The following SLIT3 variants were observed in gnomAD, a reference collection of about 807,000 sequenced individuals.
SLIT3 encodes the protein slit guidance ligand 3.
In SLIT3, 68 loss-of-function variants were observed where a neutral mutation model predicts 184.0. The ratio of observed to expected loss-of-function variants is 0.37; its 90% CI spans 0.30 to 0.45. The LOEUF is 0.45. Among genes scored for constraint, SLIT3 ranks in the 20% least tolerant of loss-of-function variants. SLIT3 has a pLI of 1.00. For missense variants in SLIT3, 1,707 were observed against 2,026.0 expected (o/e 0.84, Z 3.02); for synonymous variants, 831 against 828.6 (o/e 1.00, Z -0.05).
intron 14 of SLIT3, chr5:168,772,526 G>T: frequency 2.0e-6 from 1 of 505,178 alleles, no homozygotes; most frequent in Non-Finnish European, 3.5e-6. Context: ...CTGCTGCCTG[G>T]GTCCTGTCTC....
chr5:169,172,079 T>G (rs1762838543), intron 4 of SLIT3, among the ~76,000 whole-genome samples: 1 of 152,108 alleles, frequency 6.6e-6, no homozygotes, highest in South Asian at 2.1e-4. Context: ...CTCGGAAATG[T>G]TTTTCAACTT....
intron 3 of SLIT3, among the ~76,000 whole-genome samples, chr5:169,197,345 C>T (rs545268318): frequency 6.6e-6 from 1 of 152,046 alleles, no homozygotes; most frequent in Non-Finnish European, 1.5e-5. Context: ...TTCCAGGTAA[C>T]TCCAGGATTT....
chr5:169,261,786 C>A (rs1439495390), intron 1 of SLIT3, among the ~76,000 whole-genome samples: 3 of 152,170 alleles, frequency 2.0e-5, no homozygotes, highest in African/African-American at 7.2e-5. Context: ...TGCTTCTAAC[C>A]CATGCAACAC....
chr5:169,019,022 C>G (rs1448360972), intron 4 of SLIT3, among the ~76,000 whole-genome samples: 1 of 152,184 alleles, frequency 6.6e-6, no homozygotes, highest in African/African-American at 2.4e-5. Context: ...ATTTGCCTCC[C>G]CCACTCTGGG....
At chr5:169,063,910 C>T (rs1425740098) in intron 4 of SLIT3, among the ~76,000 whole-genome samples, 2 of 152,190 alleles carry the variant, frequency 1.3e-5, no homozygotes, top group African/African-American at 2.4e-5. Context: ...ATTCTGACAA[C>T]ACAAATGCCG....
intron 4 of SLIT3, among the ~76,000 whole-genome samples, chr5:168,886,030 C>G (rs1186033138): frequency 1.3e-5 from 2 of 152,222 alleles, no homozygotes; most frequent in African/African-American, 4.8e-5. Flanking sequence ...CTTGCTCCTA[C>G]TTTACGGAGC....
At chr5:169,289,658 T>C (rs565163392) in intron 1 of SLIT3, among the ~76,000 whole-genome samples, 1 of 152,304 alleles carries the variant, frequency 6.6e-6, no homozygotes, top group East Asian at 1.9e-4. Context: ...GGACCTGGGG[T>C]TCTGATGGTG....
intron 4 of SLIT3, among the ~76,000 whole-genome samples, chr5:169,182,908 C>G (rs1763214586): frequency 6.6e-6 from 1 of 152,204 alleles, no homozygotes; most frequent in African/African-American, 2.4e-5. Context: ...CCACAAAACC[C>G]TGCCTAGGCT....
intron 1 of SLIT3, among the ~76,000 whole-genome samples, chr5:169,266,770 C>A (rs751530928): frequency 7.2e-5 from 11 of 152,162 alleles, no homozygotes; most frequent in South Asian, 6.2e-4. Flanking sequence ...AAGAATGGCC[C>A]AAGTTAAGCA....
At chr5:169,225,573 A>C (rs1017577637) in intron 3 of SLIT3, among the ~76,000 whole-genome samples, 2 of 152,250 alleles carry the variant, frequency 1.3e-5, no homozygotes, top group African/African-American at 2.4e-5. Flanking sequence ...AGAGATGCCA[A>C]GCCAACACCA....
At chr5:168,690,975 C>G (rs181845210) in intron 29 of SLIT3, among the ~76,000 whole-genome samples, 59 of 152,316 alleles carry the variant, frequency 3.9e-4, no homozygotes, top group Admixed American at 3.3e-3. Context: ...CCAAATTCCA[C>G]CCACCCTCAA....
chr5:168,978,136 G>C, intron 4 of SLIT3, among the ~76,000 whole-genome samples: 1 of 152,170 alleles, frequency 6.6e-6, no homozygotes, highest in East Asian at 1.9e-4. Context: ...GGCACCCCAG[G>C]CATCCCGCCT....
intron 4 of SLIT3, among the ~76,000 whole-genome samples, chr5:169,186,149 T>C (rs775452708): frequency 2.2e-4 from 34 of 152,108 alleles, no homozygotes; most frequent in Non-Finnish European, 4.4e-4. Flanking sequence ...GAAACCCTAA[T>C]CCCAATACCT....
rs144003142 is a variant in SLIT3, at chr5:168,685,873, G to A, written c.3369C>T (p.Cys1123=). 8.5e-5 allele frequency: 137 copies of A among 1,613,538 alleles called. No homozygotes were observed. The highest frequency in any genetic ancestry group is 1.1e-4 in the Non-Finnish European group (129 of 1,179,912). Residue 1123 remains cysteine, a synonymous_variant, in exon 31 of 36, where the codon TGC becomes TGT. Coordinates refer to ENST00000519560, the MANE Select transcript of SLIT3 (RefSeq NM_003062.4). ...CCCCGTTCTGGCACTCGTACTGGTC[G>A]CATGGGCTGGTCTGCAGTAGGACCA... ...PPMVLLQTSP[C]DQYECQNGAQ...
chr5:168,945,864 T>A (rs1239297031), intron 4 of SLIT3, among the ~76,000 whole-genome samples: 1 of 152,188 alleles, frequency 6.6e-6, no homozygotes, highest in Non-Finnish European at 1.5e-5. Context: ...GGGCCAAATA[T>A]CTCTTGATTT....
chr5:168,789,408 G>T, intron 11 of SLIT3, 152 bp downstream of exon 11: 1 of 597,908 alleles, frequency 1.7e-6, no homozygotes, highest in African/African-American at 1.9e-5. Flanking sequence ...AATTTCCCCT[G>T]AAGAAATATT....
intron 4 of SLIT3, among the ~76,000 whole-genome samples, chr5:169,118,349 G>A (rs1760765380): frequency 6.6e-6 from 1 of 152,224 alleles, no homozygotes; most frequent in Non-Finnish European, 1.5e-5. Flanking sequence ...GTGGAGCTAA[G>A]ACCATGCATT....
At chr5:168,777,472 T>C (rs1755804053) in intron 12 of SLIT3, among the ~76,000 whole-genome samples, 1 of 152,238 alleles carries the variant, frequency 6.6e-6, no homozygotes, top group Admixed American at 6.5e-5. Flanking sequence ...GCAATCCTTC[T>C]CACTCATCAG....
At chr5:168,761,051 G>A (rs956119348) in intron 15 of SLIT3, 115 bp from the exon 16 acceptor site, 18 of 761,488 alleles carry the variant, frequency 2.4e-5, no homozygotes, top group African/African-American at 1.7e-4. Flanking sequence ...GGACCACAGA[G>A]CCATCGGAAG....
Sources: gnomAD v4.1 joint callset for allele counts (sites outside exome capture counted in the v4.1 genomes callset) on GRCh38, gnomAD v4.1.1 for gene constraint, MANE v1.5 for transcripts, NCBI Gene and HGNC (gene_info 2026-07-23, HGNC 2026-07-21) for gene names.